The following SIM1 variants were observed in gnomAD, a reference collection of about 807,000 sequenced individuals.
SIM1 encodes single-minded homolog 1.
A neutral mutation model predicts 78.2 loss-of-function variants in SIM1; 18 were observed. That is an observed-to-expected ratio of 0.23 (90% CI 0.16 to 0.34). SIM1 has a LOEUF of 0.34. SIM1 is among the 10% of genes least tolerant of loss of function. SIM1 has a pLI of 1.00. For missense variants in SIM1, 939 were observed against 975.1 expected, an observed-to-expected ratio of 0.96 and a Z score of 0.49; for synonymous variants, 417 against 385.2, an observed-to-expected ratio of 1.08 and a Z score of -0.97.
chr6:100,452,135 A>G (rs1181325695), intron 3 of SIM1, among the ~76,000 whole-genome samples: 1 of 152,186 alleles, frequency 6.6e-6, no homozygotes, highest in African/African-American at 2.4e-5. Flanking sequence ...AAATAGTGCT[A>G]TTTTAGAAAC....
intron 2 of SIM1, among the ~76,000 whole-genome samples, chr6:100,454,813 T>A (rs908096715): frequency 1.3e-5 from 2 of 152,162 alleles, no homozygotes; most frequent in Non-Finnish European, 2.9e-5. Flanking sequence ...AGTACCCTTT[T>A]GCGGAAAGAA....
intron 10 of SIM1, among the ~76,000 whole-genome samples, chr6:100,407,602 C>A (rs1771082337): frequency 6.6e-6 from 1 of 152,058 alleles, no homozygotes; most frequent in South Asian, 2.1e-4. Context: ...ACATCTTTGT[C>A]AACACTTACC....
chr6:100,414,490 T>C (rs1442434920), intron 10 of SIM1, among the ~76,000 whole-genome samples: 2 of 152,206 alleles, frequency 1.3e-5, no homozygotes, highest in African/African-American at 2.4e-5. Context: ...AAAAAGATTA[T>C]AAAGGTCTAC....
intron 9 of SIM1, among the ~76,000 whole-genome samples, chr6:100,442,971 G>A (rs919175603): frequency 5.9e-5 from 9 of 151,958 alleles, no homozygotes; most frequent in African/African-American, 2.2e-4. Flanking sequence ...GAACTACAGT[G>A]GTTCTCATAA....
In SIM1 at chr6:100,391,093, TA is replaced by T. The variant is rs756211402; in HGVS notation, c.1571-3del. On this transcript the variant is annotated splice_region_variant and splice_polypyrimidine_tract_variant and intron_variant, in intron 11 of 11. Coordinates refer to ENST00000369208, the MANE Select transcript of SIM1 (RefSeq NM_005068.3). The stretch of plus-strand genomic sequence containing the variant: ...TATCTTCATCCCAATGACCTCGCCC[TA>T]AAAATTAGAAAAAGTCAAAAGTAAG... 1.3e-6 allele frequency: 2 copies of T among 1,563,480 alleles called. No individual in the cohort carries two copies. The highest frequency in any genetic ancestry group is 2.1e-5 in the Admixed American group (1 of 48,656).
rs370580427 is a variant in SIM1 at position 100,412,655 on chromosome 6, A to AAG, written c.1167+8133_1167+8134dup. Among the ~76,000 whole-genome samples the AAG allele has an allele frequency of 3.5e-4, 34 of 96,676 alleles. 4 individuals carry two copies. Among genetic ancestry groups the AAG allele is most frequent in the Admixed American group, 1.8e-3 (16 of 8,808 alleles). The allele number at this position is 96,676 out of a possible 152,430, so 63.4% of individuals were successfully genotyped here. On this transcript the variant is annotated intron_variant, in intron 10 of 11. Transcript: ENST00000369208. The stretch of plus-strand genomic sequence containing the variant: ...AAGAAAGAAAAGAAAGAAAGAAAGA[A>AAG]AGAGAGAGAGAGAGAGAGAAAGAAA...
chr6:100,418,387 TA>T (rs1214311219), intron 10 of SIM1, among the ~76,000 whole-genome samples: 1 of 148,490 alleles, frequency 6.7e-6, no homozygotes, highest in Non-Finnish European at 1.5e-5. Context: ...AATAAATAAA[TA>T]AAATAAAAAA....
intron 10 of SIM1, among the ~76,000 whole-genome samples, chr6:100,397,322 A>C (rs1432040707): frequency 6.6e-6 from 1 of 152,196 alleles, no homozygotes. Context: ...AAGAAGCACA[A>C]ATTAAGTCAC....
Position 100,385,365 on chromosome 6 carries a change from T to C in SIM1, c.*4996A>G, listed in dbSNP as rs910556197. ...TCTTTTTTGAAGTGTCTACTCATAA[T>C]GTTTCCTTTTTTGAAATATTTCCCT... On this transcript the variant is annotated 3_prime_UTR_variant, in exon 12 of 12. Transcript: ENST00000369208. 2 of 152,072 alleles carry C rather than the reference T, an allele frequency of 1.3e-5. No homozygotes were observed. Among genetic ancestry groups the C allele is most frequent in the Admixed American group, 6.6e-5 (1 of 15,262 alleles). The allele number at this position is 152,072 out of a possible 1,614,324, so 9.4% of individuals were successfully genotyped here. A position where few individuals can be genotyped will look rare whatever the true frequency, so the allele number is the denominator to read the frequency against.
At chr6:100,396,957 C>G (rs1319867647) in intron 10 of SIM1, among the ~76,000 whole-genome samples, 1 of 152,160 alleles carries the variant, frequency 6.6e-6, no homozygotes, top group South Asian at 2.1e-4. Flanking sequence ...CTCTAATACT[C>G]TGTATAATAT....
At chr6:100,423,371 T>G (rs777940522) in intron 9 of SIM1, among the ~76,000 whole-genome samples, 1 of 152,172 alleles carries the variant, frequency 6.6e-6, no homozygotes, top group Non-Finnish European at 1.5e-5. Flanking sequence ...ATTTACTGAG[T>G]GTCTCTTCTG....
chr6:100,437,985 A>G (rs923863589), intron 9 of SIM1, among the ~76,000 whole-genome samples: 3 of 152,226 alleles, frequency 2.0e-5, no homozygotes, highest in African/African-American at 7.2e-5. Flanking sequence ...CAAAGACTTA[A>G]ATCTAAGACA....
At chr6:100,439,532 T>C (rs1262751727) in intron 9 of SIM1, among the ~76,000 whole-genome samples, 1 of 152,122 alleles carries the variant, frequency 6.6e-6, no homozygotes, top group Non-Finnish European at 1.5e-5. Context: ...AGATTCCTAC[T>C]TCATGTAATC....
intron 9 of SIM1, among the ~76,000 whole-genome samples, 162 bp downstream of exon 9, chr6:100,447,106 A>C (rs1489022522): frequency 6.6e-6 from 1 of 152,256 alleles, no homozygotes; most frequent in Non-Finnish European, 1.5e-5. Flanking sequence ...CAAAAAGATG[A>C]AAGTGTTCGA....
intron 10 of SIM1, among the ~76,000 whole-genome samples, chr6:100,394,564 C>T (rs1445606443): frequency 6.6e-6 from 1 of 152,102 alleles, no homozygotes; most frequent in Non-Finnish European, 1.5e-5. Context: ...CAACAATACA[C>T]AGCTAATTTT....
At chr6:100,393,336 A>G in intron 11 of SIM1, 151 bp downstream of exon 11, 1 of 632,818 alleles carries the variant, frequency 1.6e-6, no homozygotes, top group Non-Finnish European at 2.4e-6. Context: ...AGCAAAATTA[A>G]TAACTGAGTG....
chr6:100,414,229 G>T (rs1441814320), intron 10 of SIM1, among the ~76,000 whole-genome samples: 1 of 152,328 alleles, frequency 6.6e-6, no homozygotes, highest in East Asian at 1.9e-4. Context: ...TATGCCAAGA[G>T]AATAAAAGGG....
intron 9 of SIM1, among the ~76,000 whole-genome samples, chr6:100,445,226 G>A (rs552234481): frequency 5.9e-5 from 9 of 152,220 alleles, no homozygotes; most frequent in East Asian, 1.9e-4. Flanking sequence ...ATGACATTTC[G>A]TCTAAAGCAA....
At chr6:100,394,932 G>T (rs1770733327) in intron 10 of SIM1, among the ~76,000 whole-genome samples, 2 of 152,130 alleles carry the variant, frequency 1.3e-5, no homozygotes, top group African/African-American at 4.8e-5. Context: ...TTGTTTAGAA[G>T]ATAAAACTTG....
Sources: gnomAD v4.1 joint callset for allele counts (sites outside exome capture counted in the v4.1 genomes callset) on GRCh38, gnomAD v4.1.1 for gene constraint, MANE v1.5 for transcripts, NCBI Gene and HGNC (gene_info 2026-07-23, HGNC 2026-07-21) for gene names.